The following SHANK2 variants were observed in gnomAD, a reference collection of about 807,000 sequenced individuals.
SHANK2 encodes the protein SH3 and multiple ankyrin repeat domains protein 2.
Under a neutral mutation model 133.7 loss-of-function variants are expected in SHANK2, and 43 were observed. The observed-to-expected ratio is 0.32, with a 90% confidence interval of 0.25 to 0.41. The LOEUF is 0.41. Ranked by LOEUF, SHANK2 falls within the 10% of genes least tolerant of loss-of-function variation. The pLI, the probability that SHANK2 is intolerant of heterozygous loss-of-function variation, is 1.00. For synonymous variants in SHANK2, 1,017 were observed against 952.8 expected (o/e 1.07, Z -1.24); for missense variants, 1,994 against 2,235.8 (o/e 0.89, Z 2.18).
At chr11:70,948,692 G>A (rs1555085929) in intron 10 of SHANK2, among the ~76,000 whole-genome samples, 1 of 152,204 alleles carries the variant, frequency 6.6e-6, no homozygotes, top group Non-Finnish European at 1.5e-5. Flanking sequence ...TGGGGAGTGT[G>A]GCAGGCTGAA....
intron 14 of SHANK2, among the ~76,000 whole-genome samples, chr11:70,736,191 T>C (rs897855358): frequency 2.0e-5 from 3 of 152,092 alleles, no homozygotes; most frequent in Non-Finnish European, 1.5e-5. Context: ...ATTCAGGCCA[T>C]GCATGGCCTC....
chr11:70,807,289 A>T lies in SHANK2; in HGVS notation c.1494-118T>A, dbSNP rs1948184003. On this transcript the variant is annotated intron_variant, in intron 12 of 25. Transcript: ENST00000601538. The surrounding 1 kb of genome is among the most constrained non-coding windows in gnomAD (Gnocchi z 4.8). ...GCTGCGCCTCGGCTGGCCGCATCAG[A>T]ACTCCTGATGCCAGACAGGAAGATG... 4 of 659,308 alleles carry T rather than the reference A, an allele frequency of 6.1e-6. No homozygotes were observed. The South Asian group carries it at 6.7e-5, about 11-fold the overall frequency. The allele number at this position is 659,308 out of a possible 1,614,324, so 40.8% of individuals were successfully genotyped here.
chr11:70,596,766 G>T (rs189967611), intron 17 of SHANK2, among the ~76,000 whole-genome samples: 5 of 152,252 alleles, frequency 3.3e-5, no homozygotes, highest in African/African-American at 7.2e-5. Flanking sequence ...GCACTTTGGT[G>T]GGGTACACTC....
Position 70,660,855 on chromosome 11 carries a change from C to T in SHANK2, c.1936+741G>A, listed in dbSNP as rs145210805. The stretch of plus-strand genomic sequence containing the variant: ...CACAGGTGCGGGACCCCTGGCACAG[C>T]GCGTAAGCTCCAAGATGAAACTTCC... On this transcript the variant is annotated intron_variant, in intron 16 of 25. Coordinates refer to ENST00000601538, the MANE Select transcript of SHANK2 (RefSeq NM_012309.5). Among the ~76,000 whole-genome samples the T allele has an allele frequency of 2.6e-3, 393 of 152,346 alleles. 1 individual carries two copies. The highest frequency in any genetic ancestry group is 0.01 in the Middle Eastern group (3 of 294).
intron 10 of SHANK2, among the ~76,000 whole-genome samples, chr11:70,920,343 T>C (rs1198695060): frequency 2.6e-5 from 4 of 152,224 alleles, no homozygotes; most frequent in African/African-American, 7.2e-5. Context: ...GCCTCCCGCC[T>C]TGGCCTCCCA....
At chr11:70,725,745 C>T (rs949277412) in intron 14 of SHANK2, among the ~76,000 whole-genome samples, 3 of 152,170 alleles carry the variant, frequency 2.0e-5, no homozygotes, top group Non-Finnish European at 2.9e-5. Context: ...GGTAACTCTA[C>T]GTATTTTATT....
At chr11:70,571,379 C>T (rs66843478) in intron 17 of SHANK2, 41,198 of 152,256 alleles carry the variant, frequency 0.27, 6,147 homozygotes, top group South Asian at 0.45. Context: ...GCCAGGCTCT[C>T]GGCTAGGCCA....
chr11:70,704,803 T>C (rs1319705399), intron 14 of SHANK2, among the ~76,000 whole-genome samples: 1 of 152,216 alleles, frequency 6.6e-6, no homozygotes, highest in Non-Finnish European at 1.5e-5. Context: ...TGGTGGTCAC[T>C]GAGGCTACTA....
chr11:71,081,253 C>A (rs990203610), intron 8 of SHANK2, among the ~76,000 whole-genome samples: 1 of 152,154 alleles, frequency 6.6e-6, no homozygotes, highest in Admixed American at 6.5e-5. Flanking sequence ...GGGACTCCAG[C>A]CTCCAGAACT....
intron 10 of SHANK2, among the ~76,000 whole-genome samples, chr11:70,906,697 G>A (rs1950109044): frequency 6.6e-6 from 1 of 152,138 alleles, no homozygotes; most frequent in South Asian, 2.1e-4. Context: ...TCAGACTCCT[G>A]TGGCAACTCA....
chr11:70,799,354 A>C (rs1947993149), intron 13 of SHANK2, among the ~76,000 whole-genome samples: 1 of 152,056 alleles, frequency 6.6e-6, no homozygotes, highest in Non-Finnish European at 1.5e-5. Flanking sequence ...GTGAGCCAAG[A>C]TTGTGCCACT....
At chr11:71,169,754 C>CAAAAAAA (rs35339054) in intron 2 of SHANK2, among the ~76,000 whole-genome samples, 2 of 90,334 alleles carry the variant, frequency 2.2e-5, no homozygotes, top group African/African-American at 4.3e-5. Flanking sequence ...GACTCCATCT[C>CAAAAAAA]AAAAAAAAAA....
intron 17 of SHANK2, among the ~76,000 whole-genome samples, chr11:70,524,089 G>A (rs2059365571): frequency 6.6e-6 from 1 of 152,190 alleles, no homozygotes; most frequent in Admixed American, 6.5e-5. Flanking sequence ...ACTTCACATA[G>A]TTACACCATT....
intron 14 of SHANK2, among the ~76,000 whole-genome samples, chr11:70,707,405 A>T (rs1555025181): frequency 1.4e-5 from 2 of 143,662 alleles, no homozygotes; most frequent in Non-Finnish European, 3.0e-5. Context: ...AAAGAGAGAG[A>T]GAGATAGAAG....
chr11:70,541,329 T>C (rs1554975151), intron 17 of SHANK2, among the ~76,000 whole-genome samples: 1 of 152,210 alleles, frequency 6.6e-6, no homozygotes, highest in East Asian at 1.9e-4. Context: ...CTCATCAGCC[T>C]GGCGGGAACA....
At chr11:70,643,718 G>A (rs2061219792) in intron 17 of SHANK2, among the ~76,000 whole-genome samples, 1 of 152,118 alleles carries the variant, frequency 6.6e-6, no homozygotes, top group Non-Finnish European at 1.5e-5. Context: ...ATTGTTTTTG[G>A]TCATTTGAAT....
At chr11:70,481,902 T>C (rs1555151718) in intron 25 of SHANK2, among the ~76,000 whole-genome samples, 1 of 152,244 alleles carries the variant, frequency 6.6e-6, no homozygotes, top group Non-Finnish European at 1.5e-5. Context: ...GGTCTGTGGC[T>C]GAGAGGAGAC....
At chr11:70,587,607 T>G (rs1466626710) in intron 17 of SHANK2, among the ~76,000 whole-genome samples, 2 of 152,156 alleles carry the variant, frequency 1.3e-5, no homozygotes, top group African/African-American at 4.8e-5. Context: ...AGGCATATCT[T>G]GTTTTATTAC....
intron 7 of SHANK2, among the ~76,000 whole-genome samples, chr11:71,093,055 G>A (rs11823085): frequency 2.1e-5 from 3 of 144,584 alleles, no homozygotes; most frequent in African/African-American, 7.7e-5. Flanking sequence ...AAATAAAGGG[G>A]GGGGGGGGCA....
Sources: allele counts gnomAD v4.1 joint callset (sites outside exome capture counted in the v4.1 genomes callset), GRCh38; gene constraint gnomAD v4.1.1; non-coding constraint Gnocchi (gnomAD v3.1); transcripts MANE v1.5; gene names NCBI Gene and HGNC (gene_info 2026-07-23, HGNC 2026-07-21).